The following ZNF787 variants were observed in gnomAD, a reference collection of about 807,000 sequenced individuals.
ZNF787 encodes the protein TTF-I-interacting peptide 20.
In ZNF787, 7 loss-of-function variants were observed where a neutral mutation model predicts 16.9. The observed-to-expected ratio is 0.42, with a 90% CI of 0.24 to 0.78. The LOEUF (loss-of-function observed/expected upper bound fraction) is 0.78. Among genes scored for constraint, ZNF787 ranks in the 30% least tolerant of loss-of-function variants. The pLI, the probability that ZNF787 is intolerant of heterozygous loss-of-function variation, is 0.30. For missense variants in ZNF787, 551 were observed against 589.3 expected, an observed-to-expected ratio of 0.94 and a Z score of 0.67; for synonymous variants, 345 against 270.9, an observed-to-expected ratio of 1.27 and a Z score of -2.69.
At chr19:56,103,334 C>T (rs1394706341) in intron 1 of ZNF787, 107 bp from the exon 2 acceptor site, 2 of 980,298 alleles carry the variant, frequency 2.0e-6, no homozygotes, top group Admixed American at 5.9e-5. Flanking sequence ...AGGCACAGCG[C>T]CCGGCAGACA....
chr19:56,115,195 C>T (rs1599959652), intron 1 of ZNF787, among the ~76,000 whole-genome samples: 1 of 152,084 alleles, frequency 6.6e-6, no homozygotes, highest in African/African-American at 2.4e-5. Context: ...TCTGCGTAGA[C>T]CTTCCCTCTC....
Position 56,088,980 on chromosome 19 carries a change from G to C in ZNF787, c.192C>G (p.Ala64=). 6.6e-7 allele frequency: 1 copy of C among 1,513,660 alleles called. No individual in the cohort carries two copies. The highest frequency in any genetic ancestry group is 1.3e-5 in the South Asian group (1 of 76,048). 93.8% of individuals were successfully genotyped at this position (1,513,660 alleles called of 1,614,324 possible). ...AGPPPRPRPP[A]PYICNECGKS... ...TGCCACACTCGTTGCAGATGTAGGG[G>C]GCGGGCGGCCGCGGCCGGGGAGGCG... The change falls in exon 3 of 3, where the codon GCC becomes GCG. Residue 64 remains alanine, a synonymous_variant. Coordinates refer to ENST00000610935, the MANE Select transcript of ZNF787 (RefSeq NM_001002836.4). This position sits in a 1 kb window ranked among gnomAD's most constrained non-coding sequence, Gnocchi z 8.6.
At position 56,088,085 on chromosome 19, in the gene ZNF787, C is replaced by CGT. The variant is rs1985395066; in HGVS notation, c.1086_1087insAC (p.Asp363ThrfsTer152). On this transcript the variant is annotated frameshift_variant, in exon 3 of 3. Coordinates refer to ENST00000610935, the MANE Select transcript of ZNF787 (RefSeq NM_001002836.4). LOFTEE classifies it low-confidence loss of function (END_TRUNC). This position sits in a 1 kb window ranked among gnomAD's most constrained non-coding sequence, Gnocchi z 8.6. Reference sequence around the variant, plus strand: ...CCGCCCGCGGCCTCGTCGTCGTCGTCCTCCTCCTCCCCGCCCGCGCGGTAG... The same window carrying CGT: ...CCGCCCGCGGCCTCGTCGTCGTCGTCGTCTCCTCCTCCCCGCCCGCGCGGTAG... 6 of 1,493,304 alleles carry CGT rather than the reference C, an allele frequency of 4.0e-6. No individual in the cohort carries two copies. The Admixed American group carries it at 6.5e-5, about 16-fold the overall frequency. 92.5% of individuals were successfully genotyped at this position (1,493,304 alleles called of 1,614,324 possible).
chr19:56,118,041 T>C (rs2030187822), intron 1 of ZNF787, among the ~76,000 whole-genome samples: 1 of 152,254 alleles, frequency 6.6e-6, no homozygotes, highest in African/African-American at 2.4e-5. Context: ...CAGCCTCAAG[T>C]TGCCAGGTCC....
At chr19:56,119,556 G>C (rs1014808422) in intron 1 of ZNF787, among the ~76,000 whole-genome samples, 4 of 152,204 alleles carry the variant, frequency 2.6e-5, no homozygotes, top group African/African-American at 9.6e-5. Context: ...CTCTGTCCTG[G>C]TGGAAAGTAA....
rs1599934667 is a variant in ZNF787, at chr19:56,088,002, C to CCCCCCCCGGGGCCCTGCCCG, written c.*20_*21insCGGGCAGGGCCCCGGGGGGG. The CCCCCCCCGGGGCCCTGCCCG allele has an allele frequency of 2.2e-5, 1 of 45,444 alleles. No individual in the cohort carries two copies. Among genetic ancestry groups the CCCCCCCCGGGGCCCTGCCCG allele is most frequent in the Non-Finnish European group, 4.2e-5 (1 of 23,884 alleles). The allele number at this position is 45,444 out of a possible 1,614,324, so 2.8% of individuals were successfully genotyped here. On this transcript the variant is annotated 3_prime_UTR_variant, in exon 3 of 3. Coordinates refer to ENST00000610935, the MANE Select transcript of ZNF787 (RefSeq NM_001002836.4). The surrounding 1 kb of genome is among the most constrained non-coding windows in gnomAD (Gnocchi z 8.6). The stretch of plus-strand genomic sequence containing the variant: ...GCCAAGCCCGAGGGGCCCTGCCCGC[C>CCCCCCCCGGGGCCCTGCCCG]CCCCCCCCCGGGCCCCTCCCCTACC...
chr19:56,115,382 G>A (rs1233615618), intron 1 of ZNF787, among the ~76,000 whole-genome samples: 2 of 132,638 alleles, frequency 1.5e-5, no homozygotes, highest in Admixed American at 7.9e-5. Flanking sequence ...TTTTTGAGAC[G>A]GAGTCTTGCT....
chr19:56,105,068 C>T (rs74718164), intron 1 of ZNF787, among the ~76,000 whole-genome samples: 3,695 of 152,122 alleles, frequency 0.024, 144 homozygotes, highest in African/African-American at 0.084. Context: ...GCAGAGGTTG[C>T]AGTGAGGAGA....
chr19:56,093,739 A>G (rs1319230977), intron 2 of ZNF787, among the ~76,000 whole-genome samples: 1 of 152,218 alleles, frequency 6.6e-6, no homozygotes, highest in Non-Finnish European at 1.5e-5. Context: ...CTCCTGGCAT[A>G]AAGTGCTAAG....
intron 1 of ZNF787, among the ~76,000 whole-genome samples, chr19:56,115,167 T>C (rs1044140489): frequency 6.6e-6 from 1 of 152,014 alleles, no homozygotes; most frequent in African/African-American, 2.4e-5. Context: ...CCTTTCCTGT[T>C]CATTCTACAG....
intron 2 of ZNF787, among the ~76,000 whole-genome samples, chr19:56,098,545 T>C (rs2451831): frequency 0.13 from 14,655 of 111,938 alleles, 1,326 homozygotes; most frequent in East Asian, 0.34. Flanking sequence ...CAGGGTGATA[T>C]GGCCGCCGGG....
chr19:56,104,786 G>C (rs1986238699), intron 1 of ZNF787, among the ~76,000 whole-genome samples: 2 of 152,260 alleles, frequency 1.3e-5, no homozygotes, highest in African/African-American at 4.8e-5. Flanking sequence ...CAGAGCCTTT[G>C]CCACGCGCCC....
intron 1 of ZNF787, among the ~76,000 whole-genome samples, chr19:56,110,319 G>A (rs2029940806): frequency 1.3e-5 from 2 of 150,618 alleles, no homozygotes; most frequent in South Asian, 2.1e-4. Context: ...GAGATCACAC[G>A]CCACTGCACT....
intron 2 of ZNF787, among the ~76,000 whole-genome samples, chr19:56,092,056 C>A (rs572106151): frequency 5.9e-4 from 84 of 142,104 alleles, no homozygotes; most frequent in African/African-American, 2.5e-3. Context: ...GCCTCACCCT[C>A]ACCCTCACCC....
intron 2 of ZNF787, among the ~76,000 whole-genome samples, chr19:56,091,372 G>A (rs965605181): frequency 2.6e-5 from 4 of 152,200 alleles, no homozygotes; most frequent in Admixed American, 6.5e-5. Flanking sequence ...CATGAATTCT[G>A]AACACAAAAC....
At position 56,114,678 on chromosome 19, in the gene ZNF787, T is replaced by C. The variant is rs573603763; in HGVS notation, c.-11+6494A>G. On this transcript the variant is annotated intron_variant, in intron 1 of 2. Transcript: ENST00000610935. ...CTTCCTGGCTGGTCAGCACCTTCTG[T>C]CACCATGTCACGAGCGTGGTGATAT... 2.3e-4 allele frequency among the ~76,000 whole-genome samples: 35 copies of C among 152,254 alleles called. No individual in the cohort carries two copies. In the South Asian group the frequency reaches 7.2e-3, roughly 32 times the overall value.
At chr19:56,114,210 T>C (rs564724590) in intron 1 of ZNF787, among the ~76,000 whole-genome samples, 1 of 152,320 alleles carries the variant, frequency 6.6e-6, no homozygotes, top group South Asian at 2.1e-4. Context: ...GATCTCGCTG[T>C]GCAGTGCACT....
chr19:56,116,919 C>A (rs1049205550), intron 1 of ZNF787, among the ~76,000 whole-genome samples: 7 of 152,202 alleles, frequency 4.6e-5, no homozygotes, highest in African/African-American at 1.7e-4. Flanking sequence ...GGATTAAATC[C>A]CAGGTCCTGG....
chr19:56,098,797 C>T (rs572074580), intron 2 of ZNF787, among the ~76,000 whole-genome samples: 82 of 129,824 alleles, frequency 6.3e-4, no homozygotes, highest in African/African-American at 2.0e-3. Flanking sequence ...TGATTACGGC[C>T]GCAGGGTGAT....
Sources: gnomAD v4.1 joint callset for allele counts (sites outside exome capture counted in the v4.1 genomes callset) on GRCh38, gnomAD v4.1.1 for gene constraint, Gnocchi (gnomAD v3.1) non-coding constraint, MANE v1.5 for transcripts, NCBI Gene and HGNC (gene_info 2026-07-23, HGNC 2026-07-21) for gene names.